EEPD1: variants seen among roughly 807,000 people sequenced by gnomAD.
EEPD1 encodes the protein endonuclease/exonuclease/phosphatase family domain containing 1.
EEPD1 carries 17 observed loss-of-function variants against 46.3 expected under a neutral mutation model. The ratio of observed to expected loss-of-function variants is 0.37; its 90% CI spans 0.25 to 0.55. The LOEUF (loss-of-function observed/expected upper bound fraction) is 0.55. Ranked by LOEUF, EEPD1 falls within the 20% of genes least tolerant of loss-of-function variation. The pLI is 0.83. For synonymous variants in EEPD1, 313 were observed against 315.6 expected (o/e 0.99, Z 0.09); for missense variants, 673 against 745.6 (o/e 0.90, Z 1.13).
chr7:36,248,116 G>T (rs1786669826), intron 3 of EEPD1, among the ~76,000 whole-genome samples: 1 of 152,172 alleles, frequency 6.6e-6, no homozygotes, highest in Admixed American at 6.5e-5. Context: ...GAGGTTGGAG[G>T]ACGTGGACTG....
chr7:36,272,473 G>C (rs196578), intron 3 of EEPD1, among the ~76,000 whole-genome samples: 18,522 of 149,274 alleles, frequency 0.12, 1,568 homozygotes, highest in Non-Finnish European at 0.18. Flanking sequence ...TTTCATAATA[G>C]CCCTTGCAAG....
chr7:36,210,781 G>C (rs1785914610), intron 2 of EEPD1, among the ~76,000 whole-genome samples: 1 of 152,158 alleles, frequency 6.6e-6, no homozygotes, highest in Non-Finnish European at 1.5e-5. Flanking sequence ...TGATGTTCTT[G>C]TGGCCTCTGC....
At chr7:36,292,263 G>A (rs1257410399) in intron 6 of EEPD1, among the ~76,000 whole-genome samples, 2 of 152,114 alleles carry the variant, frequency 1.3e-5, no homozygotes, top group Non-Finnish European at 2.9e-5. Flanking sequence ...TCACGAAGCT[G>A]GGAAGTGACA....
intron 3 of EEPD1, among the ~76,000 whole-genome samples, chr7:36,272,503 G>GTTTTTTTTTTTTTTTT (rs768898390): frequency 3.5e-4 from 43 of 122,630 alleles, no homozygotes; most frequent in African/African-American, 6.6e-4. Flanking sequence ...GTTTTTTGTT[G>GTTTTTTTTTTTTTTTT]TTGTTTTTTT....
At chr7:36,286,728 G>A (rs1407772369) in intron 5 of EEPD1, among the ~76,000 whole-genome samples, 1 of 152,192 alleles carries the variant, frequency 6.6e-6, no homozygotes, top group Non-Finnish European at 1.5e-5. Flanking sequence ...GAGGTGTAGG[G>A]AGGAGGAGGA....
chr7:36,224,037 AGTTTT>A (rs1786190348), intron 2 of EEPD1, among the ~76,000 whole-genome samples: 1 of 152,186 alleles, frequency 6.6e-6, no homozygotes, highest in African/African-American at 2.4e-5. Flanking sequence ...AGTCTACTTT[AGTTTT>A]ATCTCCTGCA....
chr7:36,191,503 C>T (rs1785460432), intron 2 of EEPD1, among the ~76,000 whole-genome samples: 2 of 152,224 alleles, frequency 1.3e-5, no homozygotes, highest in South Asian at 4.1e-4. Flanking sequence ...GTCATCCTGG[C>T]AGCTTGGAAG....
chr7:36,207,805 G>T (rs1314234306), intron 2 of EEPD1, among the ~76,000 whole-genome samples: 1 of 151,946 alleles, frequency 6.6e-6, no homozygotes, highest in Admixed American at 6.5e-5. Flanking sequence ...AGTAATCCTC[G>T]AGTCTTAGAA....
At chr7:36,269,976 A>G (rs920826121) in intron 3 of EEPD1, among the ~76,000 whole-genome samples, 2 of 152,226 alleles carry the variant, frequency 1.3e-5, no homozygotes, top group Admixed American at 1.3e-4. Flanking sequence ...CCTCCAGCCA[A>G]TGAAAGCTTC....
At chr7:36,241,373 G>A (rs550775647) in intron 3 of EEPD1, among the ~76,000 whole-genome samples, 1 of 151,764 alleles carries the variant, frequency 6.6e-6, no homozygotes, top group Admixed American at 6.6e-5. Flanking sequence ...CTCAGGAGGC[G>A]GAAGCAGGAG....
chr7:36,175,149 C>T (rs1486053453), intron 2 of EEPD1, among the ~76,000 whole-genome samples: 1 of 152,226 alleles, frequency 6.6e-6, no homozygotes, highest in South Asian at 2.1e-4. Flanking sequence ...CTATTGACAC[C>T]TCCACATAGG....
intron 2 of EEPD1, among the ~76,000 whole-genome samples, chr7:36,159,938 T>A (rs566398741): frequency 6.6e-6 from 1 of 151,968 alleles, no homozygotes; most frequent in East Asian, 1.9e-4. Flanking sequence ...GTAGTAAGAG[T>A]GTTGTGGATT....
intron 3 of EEPD1, among the ~76,000 whole-genome samples, chr7:36,260,780 T>C (rs1786908422): frequency 6.6e-6 from 1 of 152,234 alleles, no homozygotes; most frequent in Non-Finnish European, 1.5e-5. Flanking sequence ...TTTGTTTCAG[T>C]GTAGTCAGCC....
At position 36,193,779 on chromosome 7, in the gene EEPD1, C is replaced by T. The variant is rs1478257805; in HGVS notation, c.878+38577C>T. On this transcript the variant is annotated intron_variant, in intron 2 of 7. Transcript: ENST00000242108. The surrounding 1 kb of genome is among the most constrained non-coding windows in gnomAD (Gnocchi z 4.9). ...GGTCCCGTGGTCAGCAGGTGGCCAG[C>T]GGCAGAGCGGCCACACCCATCCTGG... is the stretch of plus-strand genomic sequence containing the variant. 6.6e-6 allele frequency among the ~76,000 whole-genome samples: 1 copy of T among 152,166 alleles called. No homozygotes were observed. The highest frequency in any genetic ancestry group is 2.4e-5 in the African/African-American group (1 of 41,436).
chr7:36,272,506 G>GTTT (rs111825287), intron 3 of EEPD1, among the ~76,000 whole-genome samples: 16 of 130,490 alleles, frequency 1.2e-4, no homozygotes, highest in South Asian at 7.6e-4. Flanking sequence ...TTTTGTTGTT[G>GTTT]TTTTTTTTTT....
At chr7:36,170,731 A>C (rs1027877558) in intron 2 of EEPD1, among the ~76,000 whole-genome samples, 4 of 152,128 alleles carry the variant, frequency 2.6e-5, no homozygotes, top group Non-Finnish European at 5.9e-5. Flanking sequence ...TAAGATTTCC[A>C]GCTAGTTTTG....
chr7:36,223,153 A>AAAATAAATAAATAAATAAAT (rs142182000), intron 2 of EEPD1, among the ~76,000 whole-genome samples: 33 of 150,506 alleles, frequency 2.2e-4, no homozygotes, highest in Middle Eastern at 6.8e-3. Context: ...TGTGTCTCAA[A>AAAATAAATAAATAAATAAAT]AAATAAATAA....
chr7:36,272,278 A>G (rs143371907), intron 3 of EEPD1, among the ~76,000 whole-genome samples: 1 of 152,270 alleles, frequency 6.6e-6, no homozygotes, highest in African/African-American at 2.4e-5. Context: ...AGACCTTTGG[A>G]GAAGTAAAGA....
chr7:36,218,934 G>A lies in EEPD1; in HGVS notation c.879-20051G>A, dbSNP rs555731361. Among the ~76,000 whole-genome samples, 42 of 152,238 alleles carry A rather than the reference G, an allele frequency of 2.8e-4. 2 individuals carry two copies. The South Asian group carries it at 8.3e-3, about 30-fold the overall frequency. ...ATTTGGTTAATAAAAGCTTAAGGCT[G>A]GAGCCTAGGAGAAAGGCCTGGAGGA... On this transcript the variant is annotated intron_variant, in intron 2 of 7. Coordinates refer to ENST00000242108, the MANE Select transcript of EEPD1 (RefSeq NM_030636.3).
Sources: allele counts gnomAD v4.1 joint callset (sites outside exome capture counted in the v4.1 genomes callset), GRCh38; gene constraint gnomAD v4.1.1; non-coding constraint Gnocchi (gnomAD v3.1); transcripts MANE v1.5; gene names NCBI Gene and HGNC (gene_info 2026-07-23, HGNC 2026-07-21).